Variants in TENM2 observed in about 807,000 individuals in gnomAD.
TENM2 encodes the protein teneurin transmembrane protein 2.
Under a neutral mutation model 245.2 loss-of-function variants are expected in TENM2, and 52 were observed. The observed-to-expected ratio is 0.21, with a 90% CI of 0.17 to 0.27. The LOEUF is 0.27. Among genes scored for constraint, TENM2 ranks in the 10% least tolerant of loss-of-function variants. TENM2 has a pLI of 1.00. For synonymous variants in TENM2, 1,363 were observed against 1,438.9 expected (o/e 0.95, Z 1.19); for missense variants, 3,046 against 3,666.8 (o/e 0.83, Z 4.37).
intron 1 of TENM2, among the ~76,000 whole-genome samples, chr5:167,339,467 A>G (rs1757967886): frequency 6.6e-6 from 1 of 151,894 alleles, no homozygotes; most frequent in Non-Finnish European, 1.5e-5. Flanking sequence ...TGGTTGTTTA[A>G]CCATACTCAT....
At chr5:167,527,910 C>T (rs949989917) in intron 2 of TENM2, among the ~76,000 whole-genome samples, 1 of 152,028 alleles carries the variant, frequency 6.6e-6, no homozygotes, top group Non-Finnish European at 1.5e-5. Context: ...GTAACTGCAC[C>T]AAGATGTCAT....
At chr5:167,749,075 T>A (rs574866677) in intron 2 of TENM2, among the ~76,000 whole-genome samples, 32 of 152,230 alleles carry the variant, frequency 2.1e-4, no homozygotes, top group South Asian at 2.1e-3. Flanking sequence ...TTCATTTTTT[T>A]AAAAAATGAA....
At chr5:168,119,220 G>A (rs963203510) in intron 10 of TENM2, among the ~76,000 whole-genome samples, 5 of 152,186 alleles carry the variant, frequency 3.3e-5, no homozygotes, top group African/African-American at 1.2e-4. Context: ...ATCTCATCCT[G>A]GCAGACACGT....
intron 1 of TENM2, among the ~76,000 whole-genome samples, chr5:167,360,964 A>G (rs570876707): frequency 2.6e-5 from 4 of 152,280 alleles, no homozygotes; most frequent in Admixed American, 2.0e-4. Context: ...TCCTGACAGT[A>G]TATCAGTCAT....
intron 25 of TENM2, among the ~76,000 whole-genome samples, chr5:168,243,939 T>TG (rs1766323843): frequency 1.4e-5 from 2 of 144,484 alleles, no homozygotes; most frequent in South Asian, 4.5e-4. Context: ...TTTCTTTGGT[T>TG]TTTTTTTTTT....
chr5:168,157,100 A>G (rs1391356426), intron 12 of TENM2, among the ~76,000 whole-genome samples: 1 of 152,148 alleles, frequency 6.6e-6, no homozygotes, highest in Non-Finnish European at 1.5e-5. Context: ...AGTACCACAT[A>G]AAGGAAAGGA....
At chr5:167,741,921 T>C (rs1761203038) in intron 2 of TENM2, among the ~76,000 whole-genome samples, 1 of 152,168 alleles carries the variant, frequency 6.6e-6, no homozygotes, top group Admixed American at 6.5e-5. Flanking sequence ...TCATGGAATT[T>C]GAAGCCACCC....
chr5:167,375,707 T>C (rs909641305), intron 2 of TENM2, among the ~76,000 whole-genome samples: 2 of 152,146 alleles, frequency 1.3e-5, no homozygotes, highest in African/African-American at 2.4e-5. Flanking sequence ...TCAGGTGTAG[T>C]CAGTTGGTCT....
At chr5:167,810,044 T>C (rs1248737132) in intron 2 of TENM2, among the ~76,000 whole-genome samples, 1 of 152,034 alleles carries the variant, frequency 6.6e-6, no homozygotes, top group African/African-American at 2.4e-5. Flanking sequence ...AAGGAAATAA[T>C]CTTATTAGTC....
At chr5:167,229,605 G>A in the TENM2 span, among the ~76,000 whole-genome samples, 1 of 152,204 alleles carries the variant, frequency 6.6e-6, no homozygotes. Context: ...GCAGCACATT[G>A]AGTGGGCTTG....
At chr5:167,284,899 G>A (rs1270296389) in exon 1 of TENM2, 35 of 1,551,698 alleles carry the variant, frequency 2.3e-5, no homozygotes, top group Admixed American at 9.8e-5. Context: ...AAAGAGTGTC[G>A]CTACACAAGC....
chr5:166,983,817 G>C, the TENM2 span, among the ~76,000 whole-genome samples: 3 of 152,102 alleles, frequency 2.0e-5, no homozygotes, highest in African/African-American at 7.2e-5. Flanking sequence ...AGACGCTTGA[G>C]TCACTTGGAT....
At chr5:167,360,647 C>G (rs1349770498) in intron 1 of TENM2, among the ~76,000 whole-genome samples, 2 of 152,290 alleles carry the variant, frequency 1.3e-5, no homozygotes, top group Admixed American at 1.3e-4. Context: ...GCTGCTGTTT[C>G]TACTACAATT....
chr5:167,607,790 T>C (rs1777162835), intron 2 of TENM2, among the ~76,000 whole-genome samples: 1 of 152,168 alleles, frequency 6.6e-6, no homozygotes, highest in African/African-American at 2.4e-5. Flanking sequence ...CCCTGCCCTG[T>C]GTTGCTTCCA....
At chr5:167,057,055 A>G in the TENM2 span, among the ~76,000 whole-genome samples, 1 of 151,394 alleles carries the variant, frequency 6.6e-6, no homozygotes, top group Non-Finnish European at 1.5e-5. Flanking sequence ...TCAGTTTTCG[A>G]AATTTCTATT....
At chr5:167,650,654 A>T (rs1754397700) in intron 2 of TENM2, among the ~76,000 whole-genome samples, 1 of 152,168 alleles carries the variant, frequency 6.6e-6, no homozygotes, top group Non-Finnish European at 1.5e-5. Context: ...TGGGAGACAA[A>T]ATAACATTGA....
At chr5:167,814,965 G>T (rs944908665) in intron 2 of TENM2, among the ~76,000 whole-genome samples, 1 of 152,128 alleles carries the variant, frequency 6.6e-6, no homozygotes, top group African/African-American at 2.4e-5. Context: ...TAATAGAGGA[G>T]GCAGAGCCAG....
the TENM2 span, among the ~76,000 whole-genome samples, chr5:167,157,892 A>G: frequency 5.3e-5 from 8 of 152,122 alleles, no homozygotes; most frequent in Admixed American, 5.2e-4. Context: ...TAATGAAATA[A>G]CAGTTTAATT....
chr5:167,388,361 C>T (rs1401756171), intron 2 of TENM2, among the ~76,000 whole-genome samples: 5 of 151,954 alleles, frequency 3.3e-5, no homozygotes, highest in East Asian at 1.9e-4. Context: ...TAATACCTCC[C>T]GTTTCATTTC....
Sources: allele counts gnomAD v4.1 joint callset (sites outside exome capture counted in the v4.1 genomes callset), GRCh38; gene constraint gnomAD v4.1.1; transcripts MANE v1.5; gene names NCBI Gene and HGNC (gene_info 2026-07-23, HGNC 2026-07-21).